THSD7A: variants seen among roughly 807,000 people sequenced by gnomAD.
The protein encoded by THSD7A is thrombospondin type-1 domain-containing protein 7A.
THSD7A carries 96 observed loss-of-function variants against 231.3 expected under a neutral mutation model. The observed-to-expected ratio is 0.41, with a 90% confidence interval of 0.35 to 0.49. The LOEUF (loss-of-function observed/expected upper bound fraction) is 0.49. THSD7A is among the 20% of genes least tolerant of loss of function. THSD7A has a pLI of 0.05. For missense variants in THSD7A, 2,290 were observed against 2,070.2 expected (o/e 1.11, Z -2.06); for synonymous variants, 940 against 743.3 (o/e 1.26, Z -4.30).
chr7:11,639,805 G>A (rs937776528), intron 1 of THSD7A, among the ~76,000 whole-genome samples: 4 of 152,098 alleles, frequency 2.6e-5, no homozygotes, highest in South Asian at 2.1e-4. Context: ...AGGAAAACAC[G>A]CATACTGAAA....
intron 1 of THSD7A, among the ~76,000 whole-genome samples, chr7:11,747,274 A>G (rs1782340758): frequency 6.6e-6 from 1 of 151,932 alleles, no homozygotes; most frequent in Non-Finnish European, 1.5e-5. Flanking sequence ...CTTCCTTCAA[A>G]GATGCCCTGT....
intron 27 of THSD7A, 29 bp from the exon 28 acceptor site, chr7:11,375,907 G>GA: frequency 6.3e-7 from 1 of 1,598,298 alleles, no homozygotes; most frequent in South Asian, 1.1e-5. Context: ...TTAGGAGAAA[G>GA]AAAATCAGTT....
intron 6 of THSD7A, among the ~76,000 whole-genome samples, chr7:11,491,488 T>C (rs1786892020): frequency 6.6e-6 from 1 of 152,052 alleles, no homozygotes; most frequent in African/African-American, 2.4e-5. Context: ...ACAGCTACAT[T>C]TGGTCATCAA....
intron 1 of THSD7A, among the ~76,000 whole-genome samples, chr7:11,656,420 C>T (rs977637680): frequency 1.3e-5 from 2 of 151,812 alleles, no homozygotes; most frequent in African/African-American, 4.8e-5. Flanking sequence ...CATAGGGGCT[C>T]ACAGTTCACA....
chr7:11,667,179 A>G (rs1470836569), intron 1 of THSD7A, among the ~76,000 whole-genome samples: 5 of 151,984 alleles, frequency 3.3e-5, no homozygotes, highest in Admixed American at 6.6e-5. Context: ...ACTATACCCA[A>G]TATATAGTCT....
intron 1 of THSD7A, among the ~76,000 whole-genome samples, chr7:11,795,492 A>C (rs1171727887): frequency 2.6e-5 from 4 of 151,956 alleles, no homozygotes; most frequent in Non-Finnish European, 5.9e-5. Context: ...TTTCCCGGGA[A>C]TGACATGACG....
At chr7:11,629,883 T>A (rs1347144162) in intron 2 of THSD7A, among the ~76,000 whole-genome samples, 2 of 152,198 alleles carry the variant, frequency 1.3e-5, no homozygotes, top group Admixed American at 1.3e-4. Context: ...GAAAGGCTTT[T>A]AGAGATTTAT....
At position 11,460,677 on chromosome 7, in the gene THSD7A, C is replaced by G. The variant is rs1368354113; in HGVS notation, c.2590G>C (p.Gly864Arg). The G allele has an allele frequency of 1.2e-6, 2 of 1,610,328 alleles. No individual in the cohort carries two copies. The highest frequency in any genetic ancestry group is 2.7e-5 in the African/African-American group (2 of 74,846). ...GGCCTCCCACCTCTTGCCTGTCGCCCAGGCCCACAGCCTTCCTGTGCTCCA... is the reference window on the plus strand; with the variant it reads ...GGCCTCCCACCTCTTGCCTGTCGCCGAGGCCCACAGCCTTCCTGTGCTCCA... ...SPGAQEGCGP[G>R]RQARAITCRK... Residue 864 changes from glycine (G) to arginine (R), a missense_variant, in exon 11 of 28, where the codon GGG (glycine) becomes CGG (arginine). Physicochemically the swap from Gly to Arg is moderately radical, Grantham distance 125 (BLOSUM62 -2). Coordinates refer to ENST00000423059, the MANE Select transcript of THSD7A (RefSeq NM_015204.3).
At chr7:11,481,639 T>A (rs1583823931) in intron 7 of THSD7A, 149 bp downstream of exon 7, 2 of 717,000 alleles carry the variant, frequency 2.8e-6, no homozygotes, top group Non-Finnish European at 4.2e-6. Flanking sequence ...AGAATCAAAT[T>A]GCTCAACACA....
chr7:11,686,768 G>A (rs1780070849), intron 1 of THSD7A, among the ~76,000 whole-genome samples: 1 of 151,842 alleles, frequency 6.6e-6, no homozygotes. Context: ...ATTTATAAGT[G>A]GGAGCTAAAC....
chr7:11,793,588 A>C (rs1784028214), intron 1 of THSD7A, among the ~76,000 whole-genome samples: 1 of 151,856 alleles, frequency 6.6e-6, no homozygotes, highest in African/African-American at 2.4e-5. Flanking sequence ...AAATGAAAAA[A>C]ATGAAGAAAC....
intron 1 of THSD7A, among the ~76,000 whole-genome samples, chr7:11,791,069 G>A (rs1246698171): frequency 2.6e-5 from 4 of 151,932 alleles, no homozygotes; most frequent in Non-Finnish European, 5.9e-5. Context: ...CTTATCCACT[G>A]TAACTTAACA....
intron 22 of THSD7A, among the ~76,000 whole-genome samples, chr7:11,403,099 G>A (rs1783463147): frequency 6.6e-6 from 1 of 152,116 alleles, no homozygotes; most frequent in African/African-American, 2.4e-5. Flanking sequence ...ACTGCTTAGT[G>A]ATACTCTTCA....
chr7:11,439,347 T>G (rs539983909), intron 13 of THSD7A, among the ~76,000 whole-genome samples: 1 of 152,066 alleles, frequency 6.6e-6, no homozygotes, highest in Non-Finnish European at 1.5e-5. Context: ...AATCTTGCAT[T>G]GAGCAAATCT....
At chr7:11,648,413 G>A (rs139667076) in intron 1 of THSD7A, among the ~76,000 whole-genome samples, 1 of 152,120 alleles carries the variant, frequency 6.6e-6, no homozygotes, top group African/African-American at 2.4e-5. Flanking sequence ...GGGAGTCTGG[G>A]CAATGTGTTT....
chr7:11,624,362 C>A (rs761575148), intron 2 of THSD7A, among the ~76,000 whole-genome samples: 5 of 152,076 alleles, frequency 3.3e-5, no homozygotes, highest in African/African-American at 4.8e-5. Flanking sequence ...TTCTGCCTTA[C>A]CATCAAGGTC....
intron 11 of THSD7A, among the ~76,000 whole-genome samples, chr7:11,451,601 T>C (rs1007905882): frequency 1.3e-4 from 20 of 152,126 alleles, no homozygotes; most frequent in African/African-American, 4.6e-4. Flanking sequence ...GTAAGTTGAA[T>C]AAGTAAAGTT....
In THSD7A at chr7:11,437,726, C is replaced by T. The variant is rs575328027; in HGVS notation, c.3064+8335G>A. Among the ~76,000 whole-genome samples the T allele has an allele frequency of 5.3e-5, 8 of 152,106 alleles. No homozygotes were observed. The South Asian group carries it at 1.2e-3, about 24-fold the overall frequency. On this transcript the variant is annotated intron_variant, in intron 13 of 27. Transcript: ENST00000423059. ...AATTAAACATGTTCTTCCTCAAATA[C>T]GAGTATCCACTATGATAAGGAACAA... is the stretch of plus-strand genomic sequence containing the variant.
intron 16 of THSD7A, among the ~76,000 whole-genome samples, chr7:11,422,963 T>C (rs1163787929): frequency 1.3e-5 from 2 of 152,174 alleles, no homozygotes; most frequent in Non-Finnish European, 2.9e-5. Context: ...TAATTTTTTT[T>C]ACTAATGAAA....
Sources: allele counts gnomAD v4.1 joint callset (sites outside exome capture counted in the v4.1 genomes callset), GRCh38; gene constraint gnomAD v4.1.1; transcripts MANE v1.5; gene names NCBI Gene and HGNC (gene_info 2026-07-23, HGNC 2026-07-21).